The following MDGA2 variants were observed in gnomAD, a reference collection of about 807,000 sequenced individuals.
MDGA2 encodes MAM domain-containing glycosylphosphatidylinositol anchor protein 2.
In MDGA2, 40 loss-of-function variants were observed where a neutral mutation model predicts 117.8. That is an observed-to-expected ratio of 0.34 (90% CI 0.26 to 0.44). MDGA2 has a LOEUF of 0.44. Ranked by LOEUF, MDGA2 falls within the 20% of genes least tolerant of loss-of-function variation. The pLI is 1.00. For synonymous variants in MDGA2, 452 were observed against 439.0 expected, an observed-to-expected ratio of 1.03 and a Z score of -0.37; for missense variants, 1,123 against 1,250.6, an observed-to-expected ratio of 0.90 and a Z score of 1.54.
chr14:47,320,489 GCATCCGATA>G (rs1889947946), intron 1 of MDGA2, among the ~76,000 whole-genome samples: 1 of 152,086 alleles, frequency 6.6e-6, no homozygotes, highest in South Asian at 2.1e-4. Flanking sequence ...AGGAATGATA[GCATCCGATA>G]CATCTACCTA....
intron 1 of MDGA2, among the ~76,000 whole-genome samples, chr14:47,354,176 C>T (rs1890943190): frequency 6.6e-6 from 1 of 152,112 alleles, no homozygotes; most frequent in Non-Finnish European, 1.5e-5. Context: ...TTATGAAAAG[C>T]CCGCAGCTAA....
intron 1 of MDGA2, among the ~76,000 whole-genome samples, chr14:47,516,589 C>T (rs992673197): frequency 5.3e-5 from 8 of 152,130 alleles, no homozygotes; most frequent in Non-Finnish European, 1.0e-4. Flanking sequence ...GTAGAGTAAT[C>T]TCACCATCTT....
intron 2 of MDGA2, among the ~76,000 whole-genome samples, chr14:47,242,427 T>G (rs1219665176): frequency 6.6e-6 from 1 of 151,820 alleles, no homozygotes; most frequent in East Asian, 1.9e-4. Flanking sequence ...CCCTCAGCTT[T>G]CAGGGAGGTG....
intron 8 of MDGA2, 122 bp from the exon 9 acceptor site, chr14:46,957,765 G>T: frequency 9.2e-7 from 1 of 1,092,242 alleles, no homozygotes; most frequent in Non-Finnish European, 1.3e-6. Flanking sequence ...TGTAGGAGGT[G>T]AATGAAGAAC....
chr14:47,521,251 T>C (rs376136279), intron 1 of MDGA2, among the ~76,000 whole-genome samples: 1 of 152,148 alleles, frequency 6.6e-6, no homozygotes, highest in East Asian at 1.9e-4. Flanking sequence ...ATGTGGGGGA[T>C]CAGTTTTTAG....
At chr14:47,325,927 A>G (rs997956443) in intron 1 of MDGA2, among the ~76,000 whole-genome samples, 10 of 152,172 alleles carry the variant, frequency 6.6e-5, no homozygotes, top group Non-Finnish European at 1.0e-4. Context: ...GGACTCTACT[A>G]GGGATAACGG....
At chr14:47,578,821 A>C (rs1896174869) in intron 1 of MDGA2, among the ~76,000 whole-genome samples, 1 of 152,140 alleles carries the variant, frequency 6.6e-6, no homozygotes, top group African/African-American at 2.4e-5. Flanking sequence ...TATGCTGTTG[A>C]TACATCACAA....
rs924408800 is a variant in MDGA2, at chr14:47,208,547, T to C, written c.595+9474A>G. Among the ~76,000 whole-genome samples the C allele has an allele frequency of 5.6e-5, 7 of 125,162 alleles. No individual in the cohort carries two copies. In the East Asian group the frequency reaches 1.5e-3, roughly 28 times the overall value. 82.1% of individuals were successfully genotyped at this position (125,162 alleles called of 152,430 possible). On this transcript the variant is annotated intron_variant, in intron 3 of 16. Transcript: ENST00000399232. ...TCTAAACTCTTTTTTTTTTTTTTTA[T>C]GAAATGTCTGTGCAATACAGAGTTG...
At chr14:47,289,335 A>ACG (rs1299102976) in intron 2 of MDGA2, among the ~76,000 whole-genome samples, 2 of 144,346 alleles carry the variant, frequency 1.4e-5, no homozygotes, top group Admixed American at 7.0e-5. Context: ...ACACACACAC[A>ACG]CACGCACACA....
intron 1 of MDGA2, among the ~76,000 whole-genome samples, chr14:47,409,833 C>G (rs184017558): frequency 6.6e-6 from 1 of 152,082 alleles, no homozygotes; most frequent in Non-Finnish European, 1.5e-5. Flanking sequence ...TTACGTCCCC[C>G]GCTTTGTGGG....
chr14:47,657,916 T>C (rs1165784515), intron 1 of MDGA2, among the ~76,000 whole-genome samples: 1 of 152,150 alleles, frequency 6.6e-6, no homozygotes, highest in East Asian at 1.9e-4. Context: ...GTGTCCCCAG[T>C]AGGTAGAATA....
chr14:47,554,049 A>C (rs1197096631), intron 1 of MDGA2, among the ~76,000 whole-genome samples: 1 of 152,198 alleles, frequency 6.6e-6, no homozygotes, highest in Admixed American at 6.5e-5. Context: ...TCTTTCAATG[A>C]ATGTTCAGTT....
intron 8 of MDGA2, among the ~76,000 whole-genome samples, chr14:46,964,726 T>C (rs546026658): frequency 6.6e-6 from 1 of 152,280 alleles, no homozygotes; most frequent in African/African-American, 2.4e-5. Context: ...TTAATGATAC[T>C]ACAGTCAAAT....
chr14:47,024,640 G>T (rs544052232), intron 8 of MDGA2, among the ~76,000 whole-genome samples: 3 of 151,974 alleles, frequency 2.0e-5, no homozygotes, highest in Admixed American at 6.6e-5. Context: ...CATTGAATGA[G>T]AAACAATATC....
At chr14:47,435,584 C>T (rs1157295995) in intron 1 of MDGA2, among the ~76,000 whole-genome samples, 1 of 152,134 alleles carries the variant, frequency 6.6e-6, no homozygotes, top group Admixed American at 6.6e-5. Flanking sequence ...TGCCATGTGA[C>T]TACTGTGGCC....
At chr14:47,619,486 A>G (rs1378563667) in intron 1 of MDGA2, among the ~76,000 whole-genome samples, 1 of 152,188 alleles carries the variant, frequency 6.6e-6, no homozygotes, top group Non-Finnish European at 1.5e-5. Context: ...TGAAGGGTGG[A>G]AGTAGCCATG....
intron 10 of MDGA2, among the ~76,000 whole-genome samples, chr14:46,905,297 G>A (rs139346918): frequency 0.013 from 2,016 of 152,180 alleles, 39 homozygotes; most frequent in African/African-American, 0.046. Context: ...TAAGCAGTTG[G>A]GACTTCTTGA....
chr14:46,903,177 G>A (rs149279455), intron 10 of MDGA2, among the ~76,000 whole-genome samples: 180 of 152,138 alleles, frequency 1.2e-3, no homozygotes, highest in African/African-American at 3.6e-3. Flanking sequence ...AATAAATTCC[G>A]TTCCTGTCAC....
In MDGA2 at chr14:47,629,268, C is replaced by A. The variant is rs1388455277; in HGVS notation, c.280+45249G>T. 2.6e-5 allele frequency among the ~76,000 whole-genome samples: 4 copies of A among 152,170 alleles called. 1 individual carries two copies. The highest frequency in any genetic ancestry group is 4.1e-4 in the South Asian group (2 of 4,832). On this transcript the variant is annotated intron_variant, in intron 1 of 16. Coordinates refer to ENST00000399232, the MANE Select transcript of MDGA2 (RefSeq NM_001113498.3). ...CTAGAAGGACAGCATATGATTCTTA[C>A]AACAGCATTATATTAATAGCAATTC...
Sources: allele counts gnomAD v4.1 joint callset (sites outside exome capture counted in the v4.1 genomes callset), GRCh38; gene constraint gnomAD v4.1.1; transcripts MANE v1.5; gene names NCBI Gene and HGNC (gene_info 2026-07-23, HGNC 2026-07-21).